The following BBS7 variants were observed in gnomAD, a reference collection of about 807,000 sequenced individuals.
BBS7 encodes BBSome complex member BBS7.
A neutral mutation model predicts 90.3 loss-of-function variants in BBS7; 50 were observed. The observed-to-expected ratio is 0.55, with a 90% confidence interval of 0.44 to 0.70. The LOEUF is 0.70. BBS7 is among the 30% of genes least tolerant of loss of function. The pLI is 0.00. For synonymous variants in BBS7, 235 were observed against 287.4 expected, an observed-to-expected ratio of 0.82 and a Z score of 1.85; for missense variants, 729 against 838.9, an observed-to-expected ratio of 0.87 and a Z score of 1.62.
intron 15 of BBS7, among the ~76,000 whole-genome samples, chr4:121,832,680 C>G (rs920286993): frequency 6.6e-6 from 1 of 152,120 alleles, no homozygotes; most frequent in African/African-American, 2.4e-5. Context: ...CTACAAAAAG[C>G]CTGCATTTTC....
rs781560954 is a variant in BBS7, at chr4:121,853,001, C to T, written c.804G>A (p.Val268=). 19 of 1,613,634 alleles carry T rather than the reference C, an allele frequency of 1.2e-5. No homozygotes were observed. Among genetic ancestry groups the T allele is most frequent in the Non-Finnish European group, 1.4e-5 (17 of 1,179,812 alleles). The change falls in exon 8 of 19, where the codon GTG becomes GTA. Residue 268 remains valine, a synonymous_variant. Coordinates refer to ENST00000264499, the MANE Select transcript of BBS7 (RefSeq NM_176824.3). The part of the protein sequence containing the change: ...LVGRDDGMVE[V]YSFDNANEPV... ...GTTCATTTGCATTATCAAAACTATA[C>T]ACTTCCACCATTCCGTCATCTCTCC...
chr4:121,843,992 G>A lies in BBS7; in HGVS notation c.1240C>T (p.Pro414Ser). The A allele has an allele frequency of 6.3e-7, 1 of 1,589,702 alleles. No individual in the cohort carries two copies. Among genetic ancestry groups the A allele is most frequent in the Non-Finnish European group, 8.6e-7 (1 of 1,162,408 alleles). The change falls in exon 12 of 19, where the codon CCA becomes TCA. Residue 414 changes from proline to serine, a missense_variant. Transcript: ENST00000264499. ...IDNVLIQSDV[P>S]IDLLDVDKNS... Reference sequence around the variant, plus strand: ...TTATCCACATCAAGTAAATCTATTGGAACATCACTCTATAGTCAATATTAA... The same window carrying A: ...TTATCCACATCAAGTAAATCTATTGAAACATCACTCTATAGTCAATATTAA...
chr4:121,842,463 TGTCTCTACAAAAA>T (rs1424500500), intron 12 of BBS7, among the ~76,000 whole-genome samples: 1 of 150,652 alleles, frequency 6.6e-6, no homozygotes, highest in East Asian at 2.0e-4. Context: ...AGGAAGACCC[TGTCTCTACAAAAA>T]ATTTAAAAAT....
Position 121,845,106 on chromosome 4 carries a change from C to T in BBS7, c.1230+398G>A, listed in dbSNP as rs144037734. Reference sequence around the variant, plus strand: ...GTCTATGACTGGGTGGGGTGGTTCACGCTTGCAATCCCAGCACTTTGTGAG... The same window carrying T: ...GTCTATGACTGGGTGGGGTGGTTCATGCTTGCAATCCCAGCACTTTGTGAG... On this transcript the variant is annotated intron_variant, in intron 11 of 18. Coordinates refer to ENST00000264499, the MANE Select transcript of BBS7 (RefSeq NM_176824.3). Among the ~76,000 whole-genome samples the T allele has an allele frequency of 1.8e-3, 271 of 152,270 alleles. 1 individual carries two copies. Among genetic ancestry groups the T allele is most frequent in the Middle Eastern group, 6.8e-3 (2 of 294 alleles).
chr4:121,845,240 T>C (rs1484526141), intron 11 of BBS7, among the ~76,000 whole-genome samples: 1 of 151,828 alleles, frequency 6.6e-6, no homozygotes, highest in Non-Finnish European at 1.5e-5. Flanking sequence ...TGGTGGCACA[T>C]ACCTGTAGTC....
intron 15 of BBS7, among the ~76,000 whole-genome samples, chr4:121,831,773 C>A (rs1335645523): frequency 6.6e-6 from 1 of 152,004 alleles, no homozygotes; most frequent in East Asian, 1.9e-4. Context: ...TTCTAAAAGG[C>A]TGAATTCTGA....
At chr4:121,843,570 A>C (rs7686084) in intron 12 of BBS7, among the ~76,000 whole-genome samples, 39,729 of 152,118 alleles carry the variant, frequency 0.26, 5,978 homozygotes, top group Non-Finnish European at 0.32. Context: ...TACTTTAAGG[A>C]AACGCTCATT....
At chr4:121,830,423 AT>A (rs566397830) in intron 15 of BBS7, among the ~76,000 whole-genome samples, 14 of 151,630 alleles carry the variant, frequency 9.2e-5, no homozygotes, top group East Asian at 1.9e-4. Flanking sequence ...AAAAAAGATA[AT>A]TTTTTTTTCT....
intron 2 of BBS7, among the ~76,000 whole-genome samples, chr4:121,864,414 T>C (rs769054647): frequency 5.3e-5 from 8 of 152,236 alleles, no homozygotes; most frequent in Admixed American, 1.3e-4. Context: ...TGAAAATCTA[T>C]GTGTGTATGC....
At chr4:121,849,295 G>A (rs1288564857) in intron 8 of BBS7, among the ~76,000 whole-genome samples, 2 of 152,276 alleles carry the variant, frequency 1.3e-5, no homozygotes, top group Admixed American at 1.3e-4. Context: ...TGACCTCCTG[G>A]GCTCAAACGA....
intron 10 of BBS7, among the ~76,000 whole-genome samples, chr4:121,846,372 T>C (rs772103177): frequency 2.0e-5 from 3 of 152,184 alleles, no homozygotes; most frequent in Non-Finnish European, 4.4e-5. Context: ...AGGAAAAGTC[T>C]AGGGAGGAGC....
intron 4 of BBS7, chr4:121,861,192 T>C (rs1390843383): frequency 4.4e-6 from 1 of 228,532 alleles, no homozygotes; most frequent in African/African-American, 2.4e-5. Flanking sequence ...AAACCAGAAC[T>C]ATCAAAAATA....
chr4:121,848,667 G>A lies in BBS7; in HGVS notation c.934+177C>T, dbSNP rs147076643. On this transcript the variant is annotated intron_variant, in intron 9 of 18. Coordinates refer to ENST00000264499, the MANE Select transcript of BBS7 (RefSeq NM_176824.3). ...TATAGGAAAAAATATAATATATATA[G>A]AGTTCAGCACTATTTGAGGTTTGAG... Among the ~76,000 whole-genome samples the A allele has an allele frequency of 3.2e-4, 48 of 152,244 alleles. No individual in the cohort carries two copies. The East Asian group carries it at 7.9e-3, about 25-fold the overall frequency.
Position 121,847,430 on chromosome 4 carries a change from C to A in BBS7, c.1011G>T (p.Glu337Asp). 1 of 1,613,160 alleles carries A rather than the reference C, an allele frequency of 6.2e-7. No individual in the cohort carries two copies. The highest frequency in any genetic ancestry group is 1.3e-5 in the African/African-American group (1 of 75,016). ...GTAAGGAAGAAATTTTATTCTGCAT[C>A]TCCTGATTAATTTTTAGTTCTTCTC... ...GPGEELKINQ[E>D]MQNKISSLRN... The change falls in exon 10 of 19, where the codon GAG becomes GAT. Residue 337 changes from glutamate to aspartate, a missense_variant. By Grantham distance (45) the Glu-to-Asp change is conservative (BLOSUM62 2). Transcript: ENST00000264499.
At chr4:121,859,949 A>G (rs1407452385) in intron 4 of BBS7, among the ~76,000 whole-genome samples, 3 of 152,068 alleles carry the variant, frequency 2.0e-5, no homozygotes, top group Non-Finnish European at 4.4e-5. Flanking sequence ...AGTGTGATAT[A>G]TTTTTCACTT....
intron 3 of BBS7, among the ~76,000 whole-genome samples, chr4:121,862,399 A>C (rs894614011): frequency 1.3e-5 from 2 of 152,154 alleles, no homozygotes; most frequent in Non-Finnish European, 2.9e-5. Context: ...GAGAATATGA[A>C]TAATGGAAAC....
intron 13 of BBS7, among the ~76,000 whole-genome samples, chr4:121,837,046 G>A (rs186560159): frequency 2.3e-4 from 35 of 151,782 alleles, no homozygotes; most frequent in East Asian, 1.9e-3. Context: ...TGCAACCTCC[G>A]TCTCCTGGGT....
At chr4:121,829,098 T>C (rs953998818) in intron 15 of BBS7, among the ~76,000 whole-genome samples, 5 of 152,212 alleles carry the variant, frequency 3.3e-5, no homozygotes, top group African/African-American at 9.6e-5. Context: ...TTTTCTTTCA[T>C]GTAATCACAC....
intron 2 of BBS7, among the ~76,000 whole-genome samples, chr4:121,863,844 CA>C (rs921487494): frequency 6.6e-6 from 1 of 152,130 alleles, no homozygotes; most frequent in African/African-American, 2.4e-5. Flanking sequence ...AACATGTAGA[CA>C]ATGAATTGTT....
Sources: allele counts gnomAD v4.1 joint callset (sites outside exome capture counted in the v4.1 genomes callset), GRCh38; gene constraint gnomAD v4.1.1; transcripts MANE v1.5; gene names NCBI Gene and HGNC (gene_info 2026-07-23, HGNC 2026-07-21).